Variants in RABL6 observed in about 807,000 individuals in gnomAD.
The protein encoded by RABL6 is RAB, member RAS oncogene family like 6.
In RABL6, 28 loss-of-function variants were observed where a neutral mutation model predicts 72.9. The observed-to-expected ratio is 0.38, with a 90% CI of 0.28 to 0.53. The LOEUF is 0.53. Ranked by LOEUF, RABL6 falls within the 20% of genes least tolerant of loss-of-function variation. The pLI is 0.80. For missense variants in RABL6, 1,029 were observed against 1,008.4 expected, an observed-to-expected ratio of 1.02 and a Z score of -0.28; for synonymous variants, 477 against 421.2, an observed-to-expected ratio of 1.13 and a Z score of -1.62.
chr9:136,812,082 T>C (rs1341872118), intron 1 of RABL6, among the ~76,000 whole-genome samples: 1 of 152,264 alleles, frequency 6.6e-6, no homozygotes, highest in Non-Finnish European at 1.5e-5. Context: ...AGAAAGATTG[T>C]TGCCTGAGTT....
intron 12 of RABL6, 69 bp from the exon 13 acceptor site, chr9:136,839,625 T>G (rs1588375286): frequency 6.5e-7 from 1 of 1,542,858 alleles, no homozygotes; most frequent in East Asian, 2.3e-5. Context: ...GCCGGCCTGG[T>G]TTGAGATCCC....
chr9:136,832,057 T>C, intron 6 of RABL6, 196 bp downstream of exon 6: 1 of 981,156 alleles, frequency 1.0e-6, no homozygotes, highest in Non-Finnish European at 1.5e-6. Context: ...TGGGGAACTG[T>C]GTGCCAGGGT....
At chr9:136,831,646 C>T (rs182313742) in intron 5 of RABL6, 75 bp from the exon 6 acceptor site, 292 of 1,585,574 alleles carry the variant, frequency 1.8e-4, no homozygotes, top group Non-Finnish European at 2.4e-4. Context: ...CGGGCCTGGG[C>T]GCACAGCACC....
In RABL6 at chr9:136,841,161, AC is replaced by A; in HGVS notation, c.*641del. 1 of 750,536 alleles carries A rather than the reference AC, an allele frequency of 1.3e-6. No individual in the cohort carries two copies. Among genetic ancestry groups the A allele is most frequent in the Non-Finnish European group, 1.9e-6 (1 of 515,878 alleles). 46.5% of individuals were successfully genotyped at this position (750,536 alleles called of 1,614,324 possible). A position where few individuals can be genotyped will look rare whatever the true frequency, so the allele number is the denominator to read the frequency against. ...CACTCCTCCCAAACACTCCACTCAG[AC>A]CATAAAGCACTCCTGTTTCACTCTG... On this transcript the variant is annotated 3_prime_UTR_variant, in exon 15 of 15. Coordinates refer to ENST00000311502, the MANE Select transcript of RABL6 (RefSeq NM_024718.5).
intron 10 of RABL6, 59 bp from the exon 11 acceptor site, chr9:136,838,850 G>T: frequency 7.0e-7 from 1 of 1,436,176 alleles, no homozygotes; most frequent in Non-Finnish European, 9.2e-7. Context: ...CAAGGCCCGT[G>T]AGCCCGGCCA....
At chr9:136,814,909 A>T (rs894199286) in intron 1 of RABL6, 1 of 157,424 alleles carries the variant, frequency 6.4e-6, no homozygotes, top group Admixed American at 6.5e-5. Flanking sequence ...CATCCTCTTC[A>T]TCATCGTCAC....
intron 1 of RABL6, among the ~76,000 whole-genome samples, chr9:136,818,720 G>T (rs1289232935): frequency 6.6e-6 from 1 of 151,812 alleles, no homozygotes; most frequent in African/African-American, 2.4e-5. Flanking sequence ...ATTCCAGCTT[G>T]GGCAACAGAG....
rs549717772 is a variant in RABL6 at position 136,821,400 on chromosome 9, C to T, written c.131-2125C>T. The T allele has an allele frequency of 5.1e-6, 5 of 985,458 alleles. No homozygotes were observed. The East Asian group carries it at 5.7e-4, about 112-fold the overall frequency. 61.0% of individuals were successfully genotyped at this position (985,458 alleles called of 1,614,324 possible). ...CCGGGAAGCACAGCGCGTGGGCCGC[C>T]TGAGCGGTGCCGGGGCGGGGAGGCA... On this transcript the variant is annotated intron_variant, in intron 1 of 14. Coordinates refer to ENST00000311502, the MANE Select transcript of RABL6 (RefSeq NM_024718.5).
chr9:136,825,127 C>G (rs1462778431), intron 2 of RABL6, among the ~76,000 whole-genome samples: 1 of 152,220 alleles, frequency 6.6e-6, no homozygotes, highest in African/African-American at 2.4e-5. Context: ...CCAGCAGGCC[C>G]AGCTGCGATG....
In RABL6 at chr9:136,832,283, C is replaced by T. The variant is rs377004492; in HGVS notation, c.618C>T (p.Tyr206=). The change falls in exon 7 of 15, where the codon TAC becomes TAT. Residue 206 remains tyrosine, a synonymous_variant. Coordinates refer to ENST00000311502, the MANE Select transcript of RABL6 (RefSeq NM_024718.5). Reference sequence around the variant, plus strand: ...AAAGCAGACCTCCAGGTTCCTCCTACTTCCGCTATGCTGAGTCTTCCATGA... The same window carrying T: ...AAAGCAGACCTCCAGGTTCCTCCTATTTCCGCTATGCTGAGTCTTCCATGA... ...DNLDRPPGSS[Y]FRYAESSMKN... 12 of 1,613,714 alleles carry T rather than the reference C, an allele frequency of 7.4e-6. No individual in the cohort carries two copies. In the African/African-American group the frequency reaches 1.6e-4, roughly 22 times the overall value.
At chr9:136,810,465 A>T (rs1256356518) in intron 1 of RABL6, among the ~76,000 whole-genome samples, 2 of 152,258 alleles carry the variant, frequency 1.3e-5, no homozygotes, top group Non-Finnish European at 2.9e-5. Flanking sequence ...TTATCTTTAT[A>T]GCTGAATAAC....
intron 1 of RABL6, 39 bp from the exon 2 acceptor site, chr9:136,823,486 C>G (rs748842936): frequency 6.2e-7 from 1 of 1,610,404 alleles, no homozygotes; most frequent in Non-Finnish European, 8.5e-7. Flanking sequence ...GGGTTCGGTT[C>G]GTTTAATTTG....
chr9:136,839,978 C>A, intron 13 of RABL6, 113 bp downstream of exon 13: 3 of 1,490,134 alleles, frequency 2.0e-6, no homozygotes, highest in Non-Finnish European at 2.7e-6. Flanking sequence ...GGATGCTGTG[C>A]CATGCTCCTG....
At chr9:136,824,474 C>T (rs570263345) in intron 2 of RABL6, among the ~76,000 whole-genome samples, 127 of 151,050 alleles carry the variant, frequency 8.4e-4, no homozygotes, top group African/African-American at 2.9e-3. Flanking sequence ...GGATTACAGG[C>T]GCCCGCCACC....
Position 136,826,726 on chromosome 9 carries a change from GCCAC to G in RABL6, c.313+906_313+909del, listed in dbSNP as rs1322640539. 1 of 152,206 alleles carries G rather than the reference GCCAC, an allele frequency of 6.6e-6. No individual in the cohort carries two copies. Among genetic ancestry groups the G allele is most frequent in the African/African-American group, 2.4e-5 (1 of 41,406 alleles). 9.4% of individuals were successfully genotyped at this position (152,206 alleles called of 1,614,324 possible). A position where few individuals can be genotyped will look rare whatever the true frequency, so the allele number is the denominator to read the frequency against. Reference sequence around the variant, plus strand: ...CGTGGTCTCTGGTGTTAGAGAGGTGGCCACCCACCGCCCTATCATTGTCCTCATC... The same window carrying G: ...CGTGGTCTCTGGTGTTAGAGAGGTGGCCACCGCCCTATCATTGTCCTCATC... On this transcript the variant is annotated intron_variant, in intron 3 of 14. Coordinates refer to ENST00000311502, the MANE Select transcript of RABL6 (RefSeq NM_024718.5). The surrounding 1 kb of genome is among the most constrained non-coding windows in gnomAD (Gnocchi z 4.9).
chr9:136,816,043 C>A (rs1352501082), intron 1 of RABL6, among the ~76,000 whole-genome samples: 6 of 151,206 alleles, frequency 4.0e-5, no homozygotes, highest in African/African-American at 1.2e-4. Context: ...ATTTAAGATT[C>A]TGAAGTTAAG....
At chr9:136,814,969 C>T (rs115633262) in intron 1 of RABL6, 100 of 170,018 alleles carry the variant, frequency 5.9e-4, no homozygotes, top group African/African-American at 2.3e-3. Context: ...CAGCCATCCT[C>T]TTGGCTTTCC....
chr9:136,820,476 A>G (rs947190315), intron 1 of RABL6, among the ~76,000 whole-genome samples: 1 of 152,018 alleles, frequency 6.6e-6, no homozygotes, highest in African/African-American at 2.4e-5. Flanking sequence ...GGGTTAAGCA[A>G]TTCTCCTGCC....
In RABL6 at chr9:136,839,208, G is replaced by C. The variant is rs760263964; in HGVS notation, c.1494-14G>C. 2 of 1,594,940 alleles carry C rather than the reference G, an allele frequency of 1.3e-6. No individual in the cohort carries two copies. Among genetic ancestry groups the C allele is most frequent in the Non-Finnish European group, 1.7e-6 (2 of 1,169,962 alleles). ...TCCAGAGGACCCTGACTGACCCTCT[G>C]CTTGTCCACAAAGGTCCTCCATACC... On this transcript the variant is annotated splice_polypyrimidine_tract_variant and intron_variant, in intron 11 of 14. Coordinates refer to ENST00000311502, the MANE Select transcript of RABL6 (RefSeq NM_024718.5).
Sources: gnomAD v4.1 joint callset for allele counts (sites outside exome capture counted in the v4.1 genomes callset) on GRCh38, gnomAD v4.1.1 for gene constraint, Gnocchi (gnomAD v3.1) non-coding constraint, MANE v1.5 for transcripts, NCBI Gene and HGNC (gene_info 2026-07-23, HGNC 2026-07-21) for gene names.